The following VWA8 variants were observed in gnomAD, a reference collection of about 807,000 sequenced individuals.
VWA8 encodes von Willebrand factor A domain containing 8.
VWA8 carries 221 observed loss-of-function variants against 241.5 expected under a neutral mutation model. That is an observed-to-expected ratio of 0.91 (90% CI 0.82 to 1.02). The LOEUF (loss-of-function observed/expected upper bound fraction) is 1.02. Ranked by LOEUF, VWA8 falls within the 50% of genes least tolerant of loss-of-function variation. The pLI is 0.00. For synonymous variants in VWA8, 852 were observed against 827.1 expected (o/e 1.03, Z -0.52); for missense variants, 2,322 against 2,328.7 (o/e 1.00, Z 0.06).
At chr13:41,655,958 G>C (rs888479643) in intron 37 of VWA8, among the ~76,000 whole-genome samples, 7 of 152,172 alleles carry the variant, frequency 4.6e-5, no homozygotes, top group Admixed American at 4.6e-4. Flanking sequence ...AGGCACAAAA[G>C]AGATGTACAT....
intron 2 of VWA8, among the ~76,000 whole-genome samples, chr13:41,943,783 A>G (rs2138155526): frequency 6.6e-6 from 1 of 152,280 alleles, no homozygotes; most frequent in South Asian, 2.1e-4. Context: ...CTTGAACATC[A>G]CTGTTCATCA....
chr13:41,670,835 A>T, intron 37 of VWA8, 111 bp downstream of exon 37: 1 of 1,198,032 alleles, frequency 8.3e-7, no homozygotes, highest in Non-Finnish European at 1.2e-6. Flanking sequence ...TTAGTTCTTT[A>T]AGCAACTATT....
intron 26 of VWA8, among the ~76,000 whole-genome samples, chr13:41,710,663 A>G (rs2045310592): frequency 6.6e-6 from 1 of 152,222 alleles, no homozygotes; most frequent in Non-Finnish European, 1.5e-5. Context: ...GATCAACACC[A>G]TGAACTTATT....
rs189282787 is a variant in VWA8 at position 41,580,935 on chromosome 13, C to A, written c.5272-5097G>T. 5.9e-5 allele frequency among the ~76,000 whole-genome samples: 9 copies of A among 152,300 alleles called. No individual in the cohort carries two copies. The East Asian group carries it at 1.7e-3, about 29-fold the overall frequency. ...AGCCTGCTTCTCTTAGTTTTAGGAACACCTAATGCCTTGTTTTCTTCTGTC... is the reference window on the plus strand; with the variant it reads ...AGCCTGCTTCTCTTAGTTTTAGGAAAACCTAATGCCTTGTTTTCTTCTGTC... On this transcript the variant is annotated intron_variant, in intron 42 of 44. Transcript: ENST00000379310.
At position 41,721,467 on chromosome 13, in the gene VWA8, A is replaced by G; in HGVS notation, c.2867T>C (p.Val956Ala). The G allele has an allele frequency of 6.2e-7, 1 of 1,613,944 alleles. No homozygotes were observed. Reference sequence around the variant, plus strand: ...ACTCCTCAGCTCTCCAAAGGCAGCCACAAGCTTCTGAAGGATGGGCTCAGG... The same window carrying G: ...ACTCCTCAGCTCTCCAAAGGCAGCCGCAAGCTTCTGAAGGATGGGCTCAGG... ...NVPEPILQKL[V>A]AAFGELRSLA... Residue 956 changes from valine to alanine, a missense_variant, in exon 25 of 45, where the codon GTG becomes GCG. Coordinates refer to ENST00000379310, the MANE Select transcript of VWA8 (RefSeq NM_015058.2).
At chr13:41,890,210 T>G (rs1874764958) in intron 5 of VWA8, among the ~76,000 whole-genome samples, 1 of 152,228 alleles carries the variant, frequency 6.6e-6, no homozygotes. Flanking sequence ...CATTCATTAT[T>G]TAGGGCCTAG....
chr13:41,648,037 T>C (rs912806432), intron 37 of VWA8, among the ~76,000 whole-genome samples: 1 of 151,926 alleles, frequency 6.6e-6, no homozygotes, highest in Non-Finnish European at 1.5e-5. Context: ...CCTAAGCTCA[T>C]CATAAAACCC....
chr13:41,729,967 T>C (rs2045469711), intron 22 of VWA8, among the ~76,000 whole-genome samples: 1 of 152,050 alleles, frequency 6.6e-6, no homozygotes, highest in South Asian at 2.1e-4. Context: ...ATGGTAGTGA[T>C]ACCCAACAAC....
chr13:41,652,848 G>A (rs987255728), intron 37 of VWA8, among the ~76,000 whole-genome samples: 17 of 152,112 alleles, frequency 1.1e-4, no homozygotes, highest in East Asian at 9.6e-4. Flanking sequence ...GCCTAGTGAC[G>A]ATGCTTTTAT....
chr13:41,612,438 C>T (rs141283542), intron 38 of VWA8, among the ~76,000 whole-genome samples: 14 of 152,262 alleles, frequency 9.2e-5, no homozygotes, highest in African/African-American at 2.6e-4. Context: ...ATACATATTA[C>T]GTTTTATAAC....
chr13:41,596,952 T>G (rs2044492651), intron 40 of VWA8, among the ~76,000 whole-genome samples: 1 of 152,056 alleles, frequency 6.6e-6, no homozygotes, highest in Non-Finnish European at 1.5e-5. Flanking sequence ...ATATCTTTGC[T>G]TATTTGGGTT....
intron 16 of VWA8, among the ~76,000 whole-genome samples, chr13:41,815,165 C>T (rs540369579): frequency 6.6e-6 from 1 of 152,182 alleles, no homozygotes; most frequent in African/African-American, 2.4e-5. Flanking sequence ...GAGGCAGGCA[C>T]TAGTAAGTTC....
intron 37 of VWA8, among the ~76,000 whole-genome samples, chr13:41,617,632 C>G (rs2044629889): frequency 6.6e-6 from 1 of 151,988 alleles, no homozygotes; most frequent in Admixed American, 6.6e-5. Context: ...AATACTATCC[C>G]TCCCCCAGCC....
chr13:41,643,604 T>G (rs183332510), intron 37 of VWA8, among the ~76,000 whole-genome samples: 1 of 152,326 alleles, frequency 6.6e-6, no homozygotes, highest in African/African-American at 2.4e-5. Context: ...ATGTTAGTCT[T>G]GGGTGAGTTA....
intron 12 of VWA8, among the ~76,000 whole-genome samples, chr13:41,842,833 G>C (rs961068687): frequency 6.6e-6 from 1 of 152,150 alleles, no homozygotes; most frequent in African/African-American, 2.4e-5. Context: ...TCATGAACCA[G>C]GTTCCACCAA....
intron 20 of VWA8, among the ~76,000 whole-genome samples, chr13:41,772,174 G>A (rs1156720205): frequency 6.6e-6 from 1 of 152,196 alleles, no homozygotes; most frequent in Non-Finnish European, 1.5e-5. Context: ...ACAGGCGTGA[G>A]CCACTGCGCC....
intron 24 of VWA8, among the ~76,000 whole-genome samples, chr13:41,722,116 T>C (rs1432215376): frequency 6.6e-6 from 1 of 152,178 alleles, no homozygotes; most frequent in Non-Finnish European, 1.5e-5. Context: ...AAATGCTTCT[T>C]TATGTACTAA....
intron 36 of VWA8, among the ~76,000 whole-genome samples, chr13:41,674,741 C>T (rs2045048493): frequency 6.6e-6 from 1 of 152,168 alleles, no homozygotes; most frequent in African/African-American, 2.4e-5. Context: ...GTAATAAGTC[C>T]TATTCTAAAG....
At chr13:41,841,849 AT>A (rs1872064828) in intron 12 of VWA8, among the ~76,000 whole-genome samples, 1 of 98,396 alleles carries the variant, frequency 1.0e-5, no homozygotes, top group Non-Finnish European at 2.0e-5. Flanking sequence ...ATATATATAT[AT>A]ATATATATAA....
Sources: gnomAD v4.1 joint callset for allele counts (sites outside exome capture counted in the v4.1 genomes callset) on GRCh38, gnomAD v4.1.1 for gene constraint, MANE v1.5 for transcripts, NCBI Gene and HGNC (gene_info 2026-07-23, HGNC 2026-07-21) for gene names.